Variants in SNTB1 observed in about 807,000 individuals in gnomAD.
SNTB1 encodes beta-1-syntrophin.
SNTB1 carries 36 observed loss-of-function variants against 48.9 expected under a neutral mutation model. The ratio of observed to expected loss-of-function variants is 0.74; its 90% CI spans 0.56 to 0.97. The LOEUF (loss-of-function observed/expected upper bound fraction) is 0.97, where lower values mean the gene tolerates loss of function less well. Among genes scored for constraint, SNTB1 ranks in the 50% least tolerant of loss-of-function variants. SNTB1 has a pLI of 0.00. For missense variants in SNTB1, 786 were observed against 703.4 expected, an observed-to-expected ratio of 1.12 and a Z score of -1.33; for synonymous variants, 299 against 294.6, an observed-to-expected ratio of 1.01 and a Z score of -0.15.
chr8:120,563,237 T>C (rs1696291333), intron 4 of SNTB1, among the ~76,000 whole-genome samples: 1 of 151,944 alleles, frequency 6.6e-6, no homozygotes, highest in Non-Finnish European at 1.5e-5. Context: ...TTGCCAATTA[T>C]GATGACAGTG....
At position 120,632,621 on chromosome 8, in the gene SNTB1, C is replaced by T. The variant is rs1294375818; in HGVS notation, c.819G>A (p.Lys273=). ...CCTTGCTCCTTAGGATCACCGTGTG[C>T]TTAGCATCTGGAGAGTGGATTTCAA... ...RQLEIHSPDA[K]HTVILRSKDS... Residue 273 remains lysine (K), a synonymous_variant, in exon 3 of 7, where the codon AAG becomes AAA. Transcript: ENST00000517992. 7 of 1,613,970 alleles carry T rather than the reference C, an allele frequency of 4.3e-6. No homozygotes were observed.
chr8:120,670,099 G>T (rs1817734371), intron 2 of SNTB1, among the ~76,000 whole-genome samples: 1 of 152,164 alleles, frequency 6.6e-6, no homozygotes, highest in African/African-American at 2.4e-5. Context: ...CTAGTCTATT[G>T]TCAGACATTT....
At chr8:120,564,406 A>T (rs1815715166) in intron 4 of SNTB1, among the ~76,000 whole-genome samples, 1 of 152,188 alleles carries the variant, frequency 6.6e-6, no homozygotes, top group Non-Finnish European at 1.5e-5. Context: ...CCAGAAACTG[A>T]TCATGCTGGC....
intron 3 of SNTB1, among the ~76,000 whole-genome samples, chr8:120,631,408 C>CTAAAAGACTAAGTTTTAG (rs1488412430): frequency 5.9e-5 from 9 of 152,236 alleles, no homozygotes; most frequent in African/African-American, 2.2e-4. Flanking sequence ...GGCTAAGACC[C>CTAAAAGACTAAGTTTTAG]GCGCATGATC....
chr8:120,733,282 T>G (rs1208184166), intron 1 of SNTB1, among the ~76,000 whole-genome samples: 1 of 152,252 alleles, frequency 6.6e-6, no homozygotes, highest in Non-Finnish European at 1.5e-5. Context: ...GGTCTATCCA[T>G]GTTAAAAATC....
intron 3 of SNTB1, among the ~76,000 whole-genome samples, chr8:120,587,141 A>G (rs1284837921): frequency 6.6e-6 from 1 of 152,160 alleles, no homozygotes; most frequent in Non-Finnish European, 1.5e-5. Flanking sequence ...GAATCGCTTG[A>G]ATCCAGGAGG....
At position 120,538,310 on chromosome 8, in the gene SNTB1, T is replaced by A. The variant is rs1273761913; in HGVS notation, c.*567A>T. On this transcript the variant is annotated 3_prime_UTR_variant, in exon 7 of 7. Coordinates refer to ENST00000517992, the MANE Select transcript of SNTB1 (RefSeq NM_021021.4). ...TTCTACACCATTGAAAGATAATTCA[T>A]TTTTTAAAAAGTAACAGCTGCTTCA... The A allele has an allele frequency of 5.7e-5, 13 of 228,270 alleles. No individual in the cohort carries two copies. Among genetic ancestry groups the A allele is most frequent in the Middle Eastern group, 1.7e-3 (1 of 586 alleles). The allele number at this position is 228,270 out of a possible 1,614,324, so 14.1% of individuals were successfully genotyped here.
At chr8:120,593,154 G>A (rs1400502371) in intron 3 of SNTB1, among the ~76,000 whole-genome samples, 2 of 152,038 alleles carry the variant, frequency 1.3e-5, no homozygotes, top group African/African-American at 4.8e-5. Context: ...TGATTCACAG[G>A]GTAGATCATG....
chr8:120,730,763 A>G (rs1373240062), intron 1 of SNTB1, among the ~76,000 whole-genome samples: 1 of 152,106 alleles, frequency 6.6e-6, no homozygotes, highest in African/African-American at 2.4e-5. Context: ...GGTGATTTGA[A>G]CCTTTTAAAT....
At chr8:120,754,204 G>A (rs1428640689) in intron 1 of SNTB1, among the ~76,000 whole-genome samples, 1 of 152,038 alleles carries the variant, frequency 6.6e-6, no homozygotes. Flanking sequence ...TCATATGGGG[G>A]AATAGTTAAG....
intron 3 of SNTB1, among the ~76,000 whole-genome samples, chr8:120,604,292 G>A (rs1816474622): frequency 6.6e-6 from 1 of 152,028 alleles, no homozygotes; most frequent in Non-Finnish European, 1.5e-5. Flanking sequence ...CTTTCTCATG[G>A]CTCATGGTGG....
chr8:120,657,153 T>C (rs1308238990), intron 2 of SNTB1, among the ~76,000 whole-genome samples: 1 of 152,200 alleles, frequency 6.6e-6, no homozygotes, highest in Non-Finnish European at 1.5e-5. Flanking sequence ...GTTTATCCTA[T>C]GGTTATTTTG....
intron 2 of SNTB1, among the ~76,000 whole-genome samples, chr8:120,688,734 A>G (rs1476537202): frequency 6.6e-6 from 1 of 152,224 alleles, no homozygotes; most frequent in Non-Finnish European, 1.5e-5. Context: ...AACAGAAACG[A>G]TGAGGTAAAG....
intron 4 of SNTB1, among the ~76,000 whole-genome samples, chr8:120,550,598 T>C (rs1408020476): frequency 7.3e-6 from 1 of 136,628 alleles, no homozygotes; most frequent in Non-Finnish European, 1.6e-5. Context: ...TCATTGAGAG[T>C]AGAGTCTAGG....
intron 1 of SNTB1, among the ~76,000 whole-genome samples, chr8:120,724,103 C>A (rs993598423): frequency 6.6e-5 from 10 of 152,214 alleles, no homozygotes; most frequent in African/African-American, 2.4e-4. Flanking sequence ...ACAGAAGAAA[C>A]CTATGGAAGA....
intron 2 of SNTB1, among the ~76,000 whole-genome samples, chr8:120,645,135 T>A (rs1325812225): frequency 1.3e-5 from 2 of 151,740 alleles, no homozygotes; most frequent in Non-Finnish European, 2.9e-5. Flanking sequence ...CTGATGGTAG[T>A]TTCTTTTGCT....
At chr8:120,777,854 G>A (rs1819761424) in intron 1 of SNTB1, among the ~76,000 whole-genome samples, 3 of 152,214 alleles carry the variant, frequency 2.0e-5, no homozygotes, top group Admixed American at 2.0e-4. Context: ...TAGACAATAT[G>A]AGGGCAAGAG....
intron 2 of SNTB1, among the ~76,000 whole-genome samples, chr8:120,641,698 T>C (rs1817199296): frequency 6.6e-6 from 1 of 152,242 alleles, no homozygotes; most frequent in Non-Finnish European, 1.5e-5. Context: ...CCACCTCAAC[T>C]GTATTTTTGC....
At chr8:120,571,437 CTT>C (rs1046013396) in intron 4 of SNTB1, 2 of 597,210 alleles carry the variant, frequency 3.3e-6, no homozygotes, top group African/African-American at 4.4e-5. Context: ...CAGCCTGAGT[CTT>C]TGTGTGCAGT....
Sources: gnomAD v4.1 joint callset for allele counts (sites outside exome capture counted in the v4.1 genomes callset) on GRCh38, gnomAD v4.1.1 for gene constraint, MANE v1.5 for transcripts, NCBI Gene and HGNC (gene_info 2026-07-23, HGNC 2026-07-21) for gene names.